SAMTOR: variants seen among roughly 807,000 people sequenced by gnomAD.
The protein encoded by SAMTOR is UPF0532 protein C7orf60.
At chr7:112,874,606 T>C in the SAMTOR span, among the ~76,000 whole-genome samples, 1 of 152,100 alleles carries the variant, frequency 6.6e-6, no homozygotes, top group African/African-American at 2.4e-5. Flanking sequence ...CAACATATCC[T>C]TGTAACAAGT....
chr7:112,907,903 C>A, the SAMTOR span, among the ~76,000 whole-genome samples: 4 of 151,548 alleles, frequency 2.6e-5, no homozygotes, highest in Non-Finnish European at 4.4e-5. Context: ...AATGATATAA[C>A]CTCTACACAG....
chr7:112,885,443 G>A, the SAMTOR span, among the ~76,000 whole-genome samples: 1 of 152,108 alleles, frequency 6.6e-6, no homozygotes, highest in East Asian at 1.9e-4. Flanking sequence ...TTGCCACTTA[G>A]AAATTTCTTC....
the SAMTOR span, chr7:112,819,466 C>T: frequency 6.6e-6 from 1 of 152,212 alleles, no homozygotes; most frequent in Non-Finnish European, 1.5e-5. Flanking sequence ...TTATTACATA[C>T]ATGATCTGGC....
chr7:112,923,747 T>G, the SAMTOR span, among the ~76,000 whole-genome samples: 38 of 152,122 alleles, frequency 2.5e-4, no homozygotes, highest in African/African-American at 7.7e-4. Flanking sequence ...TGCACACGTA[T>G]GTTTATTGCG....
At chr7:112,915,522 C>G in the SAMTOR span, 3 of 1,205,658 alleles carry the variant, frequency 2.5e-6, no homozygotes, top group Admixed American at 6.2e-5. Context: ...TTAGCACAAT[C>G]TGAAATTATT....
chr7:112,849,274 A>T, the SAMTOR span, among the ~76,000 whole-genome samples: 1 of 152,202 alleles, frequency 6.6e-6, no homozygotes, highest in Non-Finnish European at 1.5e-5. Flanking sequence ...GCTTTAATAT[A>T]AAAAAATCAC....
chr7:112,820,393 A>T, the SAMTOR span: 1 of 148,442 alleles, frequency 6.7e-6, no homozygotes, highest in Non-Finnish European at 1.5e-5. Context: ...CATACGCACA[A>T]CATTAACCAT....
At chr7:112,883,506 A>G in the SAMTOR span, among the ~76,000 whole-genome samples, 3 of 152,268 alleles carry the variant, frequency 2.0e-5, no homozygotes, top group Admixed American at 2.0e-4. Context: ...GCTATGTCTT[A>G]GTTGCCAAGA....
At chr7:112,874,926 G>T in the SAMTOR span, among the ~76,000 whole-genome samples, 2 of 152,012 alleles carry the variant, frequency 1.3e-5, no homozygotes, top group Admixed American at 6.6e-5. Flanking sequence ...GGACCCTTAG[G>T]TCACATAACC....
At chr7:112,938,646 C>T in the SAMTOR span, among the ~76,000 whole-genome samples, 11 of 152,212 alleles carry the variant, frequency 7.2e-5, no homozygotes, top group Non-Finnish European at 1.6e-4. Context: ...CATTTCGATA[C>T]TCAGGAGAAG....
the SAMTOR span, among the ~76,000 whole-genome samples, chr7:112,852,133 T>C: frequency 4.6e-5 from 7 of 152,232 alleles, no homozygotes; most frequent in Admixed American, 4.6e-4. Flanking sequence ...AAAGAAATTA[T>C]ATATAAAGAC....
At chr7:112,929,934 C>A in the SAMTOR span, among the ~76,000 whole-genome samples, 4 of 151,854 alleles carry the variant, frequency 2.6e-5, no homozygotes, top group African/African-American at 9.7e-5. Context: ...GTATATGTTA[C>A]AAAATTAAGA....
the SAMTOR span, among the ~76,000 whole-genome samples, chr7:112,902,194 G>A: frequency 4.0e-5 from 6 of 151,866 alleles, no homozygotes; most frequent in African/African-American, 1.5e-4. Context: ...CCTGAGGTCA[G>A]GAGTTTGAGA....
At chr7:112,866,130 C>G in the SAMTOR span, among the ~76,000 whole-genome samples, 1 of 152,082 alleles carries the variant, frequency 6.6e-6, no homozygotes, top group Admixed American at 6.6e-5. Context: ...TAAATACACA[C>G]AGCTAAAATA....
chr7:112,834,321 T>C, the SAMTOR span, among the ~76,000 whole-genome samples: 10 of 152,220 alleles, frequency 6.6e-5, no homozygotes, highest in African/African-American at 2.2e-4. Flanking sequence ...TGGAGTTATA[T>C]TCCTTGGTAT....
the SAMTOR span, among the ~76,000 whole-genome samples, chr7:112,930,484 G>T: frequency 6.7e-6 from 1 of 149,258 alleles, no homozygotes; most frequent in Admixed American, 6.7e-5. Flanking sequence ...AAAAAGGTTG[G>T]ACTTTTCATA....
At chr7:112,843,422 AAT>A in the SAMTOR span, among the ~76,000 whole-genome samples, 1 of 152,024 alleles carries the variant, frequency 6.6e-6, no homozygotes, top group African/African-American at 2.4e-5. Context: ...ATATAACTAC[AAT>A]ATGATACAAA....
the SAMTOR span, among the ~76,000 whole-genome samples, chr7:112,918,272 A>T: frequency 6.6e-6 from 1 of 152,246 alleles, no homozygotes; most frequent in Non-Finnish European, 1.5e-5. Flanking sequence ...TACAAGCCAG[A>T]AGAGAGTGGG....
the SAMTOR span, chr7:112,832,795 G>T: frequency 3.3e-6 from 2 of 604,410 alleles, no homozygotes; most frequent in Non-Finnish European, 5.9e-6. Context: ...AATTACTGAC[G>T]GCCCCAATGA....
Sources: gnomAD v4.1 joint callset for allele counts (sites outside exome capture counted in the v4.1 genomes callset) on GRCh38, gnomAD v4.1.1 for gene constraint, MANE v1.5 for transcripts, NCBI Gene and HGNC (gene_info 2026-07-23, HGNC 2026-07-21) for gene names.